Variants in DTD1 observed in about 807,000 individuals in gnomAD.
DTD1 encodes D-aminoacyl-tRNA deacylase 1.
Under a neutral mutation model 25.6 loss-of-function variants are expected in DTD1, and 13 were observed. The ratio of observed to expected loss-of-function variants is 0.51; its 90% CI spans 0.33 to 0.81. The LOEUF is 0.81. DTD1 is among the 30% of genes least tolerant of loss of function. The pLI is 0.02. For synonymous variants in DTD1, 110 were observed against 103.6 expected, an observed-to-expected ratio of 1.06 and a Z score of -0.37; for missense variants, 193 against 266.4, an observed-to-expected ratio of 0.72 and a Z score of 1.92.
intron 5 of DTD1, 136 bp from the exon 6 acceptor site, chr20:18,763,224 A>C (rs1417380731): frequency 1.3e-5 from 2 of 152,642 alleles, no homozygotes; most frequent in African/African-American, 4.8e-5. Flanking sequence ...GAAGTGATGC[A>C]CTGATGCTGG....
chr20:18,611,836 A>G (rs1186464147), intron 3 of DTD1, among the ~76,000 whole-genome samples: 1 of 151,862 alleles, frequency 6.6e-6, no homozygotes, highest in Non-Finnish European at 1.5e-5. Context: ...GTCCTCACGC[A>G]TGTTTTTTTA....
intron 3 of DTD1, among the ~76,000 whole-genome samples, chr20:18,604,092 T>G (rs2060647379): frequency 1.1e-4 from 1 of 9,264 alleles, no homozygotes; most frequent in Non-Finnish European, 2.6e-4. Flanking sequence ...ATAAAGGGGA[T>G]ATCACCACCG....
intron 4 of DTD1, among the ~76,000 whole-genome samples, chr20:18,695,266 A>G (rs1238510619): frequency 1.3e-5 from 2 of 151,744 alleles, no homozygotes; most frequent in Admixed American, 1.3e-4. Context: ...TGAGATTGAT[A>G]CTGAAGGTCT....
At chr20:18,632,692 G>A (rs998601850) in intron 4 of DTD1, 10 of 970,014 alleles carry the variant, frequency 1.0e-5, no homozygotes, top group African/African-American at 8.8e-5. Context: ...AAATTTCAAC[G>A]TTATAGAAAA....
At chr20:18,595,870 G>C in intron 2 of DTD1, 136 bp from the exon 3 acceptor site, 3 of 710,942 alleles carry the variant, frequency 4.2e-6, no homozygotes, top group Non-Finnish European at 7.5e-6. Context: ...ACTTGCCTGA[G>C]GTCATGCCTC....
intron 4 of DTD1, among the ~76,000 whole-genome samples, chr20:18,640,440 T>C (rs909709653): frequency 6.6e-6 from 1 of 152,166 alleles, no homozygotes; most frequent in African/African-American, 2.4e-5. Flanking sequence ...TTCTATGTAT[T>C]TACTTCCAGA....
intron 5 of DTD1, among the ~76,000 whole-genome samples, chr20:18,759,833 C>T (rs1335613046): frequency 2.0e-5 from 3 of 152,304 alleles, no homozygotes; most frequent in Middle Eastern, 3.4e-3. Flanking sequence ...AGCATGTTTT[C>T]CAACTTGGTT....
At chr20:18,720,114 A>G (rs1156721016) in intron 4 of DTD1, among the ~76,000 whole-genome samples, 1 of 152,214 alleles carries the variant, frequency 6.6e-6, no homozygotes, top group Non-Finnish European at 1.5e-5. Context: ...GATTTGCATG[A>G]AGACCATGGC....
At chr20:18,644,820 A>G (rs1422546483) in intron 4 of DTD1, among the ~76,000 whole-genome samples, 1 of 152,168 alleles carries the variant, frequency 6.6e-6, no homozygotes, top group East Asian at 1.9e-4. Context: ...GAGGAAAGGA[A>G]TCAGGTCAGA....
chr20:18,718,534 A>G (rs2122489023), intron 4 of DTD1, among the ~76,000 whole-genome samples: 1 of 152,370 alleles, frequency 6.6e-6, no homozygotes, highest in South Asian at 2.1e-4. Flanking sequence ...TCATCTGTGT[A>G]ATACATCTAT....
At chr20:18,708,240 A>ATTT (rs1490266939) in intron 4 of DTD1, among the ~76,000 whole-genome samples, 7 of 1,932 alleles carry the variant, frequency 3.6e-3, no homozygotes, top group Non-Finnish European at 5.3e-3. Context: ...TTTTATATAT[A>ATTT]TATAATATAT....
intron 5 of DTD1, among the ~76,000 whole-genome samples, chr20:18,753,113 G>A (rs910433946): frequency 6.6e-6 from 1 of 152,136 alleles, no homozygotes; most frequent in Non-Finnish European, 1.5e-5. Flanking sequence ...AACTGCATGT[G>A]GCTATTGAGA....
At chr20:18,629,580 G>GGTGTGAACTACCGC (rs1555796756) in intron 4 of DTD1, among the ~76,000 whole-genome samples, 1 of 152,024 alleles carries the variant, frequency 6.6e-6, no homozygotes, top group Admixed American at 6.6e-5. Flanking sequence ...TGAGATTACA[G>GGTGTGAACTACCGC]GCAAGAGTCA....
At chr20:18,748,501 G>T (rs2061309422) in intron 5 of DTD1, among the ~76,000 whole-genome samples, 1 of 152,162 alleles carries the variant, frequency 6.6e-6, no homozygotes, top group Non-Finnish European at 1.5e-5. Context: ...GGATGTTAGT[G>T]TTCTGTGGCC....
intron 4 of DTD1, among the ~76,000 whole-genome samples, chr20:18,651,581 G>T (rs2060874258): frequency 6.6e-6 from 1 of 152,356 alleles, no homozygotes; most frequent in Middle Eastern, 3.4e-3. Flanking sequence ...CCCTTTGAGA[G>T]TTCTGTCACT....
rs1221835754 is a variant in DTD1 at position 18,684,908 on chromosome 20, C to CT, written c.477+56688dup. Among the ~76,000 whole-genome samples the CT allele has an allele frequency of 8.2e-3, 1,163 of 141,166 alleles. 5 individuals are homozygous for CT. Among genetic ancestry groups the CT allele is most frequent in the African/African-American group, 0.013 (505 of 38,560 alleles). 92.6% of individuals were successfully genotyped at this position (141,166 alleles called of 152,430 possible). Reference sequence around the variant, plus strand: ...ACTAAGGCACAGTTTTGTTTTTTTGCTTTTTTTTTTTTTAATTAGAGATAA... The same window carrying CT: ...ACTAAGGCACAGTTTTGTTTTTTTGCTTTTTTTTTTTTTTAATTAGAGATAA... On this transcript the variant is annotated intron_variant, in intron 4 of 5. Coordinates refer to ENST00000377452, the MANE Select transcript of DTD1 (RefSeq NM_080820.6).
chr20:18,741,403 C>A (rs2061277657), intron 4 of DTD1, among the ~76,000 whole-genome samples: 2 of 152,200 alleles, frequency 1.3e-5, no homozygotes, highest in Non-Finnish European at 2.9e-5. Context: ...CTTACTGTTG[C>A]TGGTCCAGGT....
chr20:18,622,141 T>A (rs2060737092), intron 3 of DTD1, among the ~76,000 whole-genome samples: 1 of 152,192 alleles, frequency 6.6e-6, no homozygotes, highest in Admixed American at 6.5e-5. Context: ...TAGGTATACA[T>A]GTGCCATGGT....
At chr20:18,608,593 T>C (rs925424906) in intron 3 of DTD1, among the ~76,000 whole-genome samples, 10 of 152,246 alleles carry the variant, frequency 6.6e-5, no homozygotes, top group Non-Finnish European at 2.9e-5. Flanking sequence ...TGCTATAAGT[T>C]TCTCTTTTCC....
Sources: gnomAD v4.1 joint callset for allele counts (sites outside exome capture counted in the v4.1 genomes callset) on GRCh38, gnomAD v4.1.1 for gene constraint, MANE v1.5 for transcripts, NCBI Gene and HGNC (gene_info 2026-07-23, HGNC 2026-07-21) for gene names.